The following HHIPL1 variants were observed in gnomAD, a reference collection of about 807,000 sequenced individuals.
HHIPL1 encodes HHIP-like protein 1.
HHIPL1 carries 43 observed loss-of-function variants against 61.8 expected under a neutral mutation model. That is an observed-to-expected ratio of 0.70 (90% confidence interval 0.55 to 0.90). The LOEUF is 0.90. Among genes scored for constraint, HHIPL1 ranks in the 40% least tolerant of loss-of-function variants. The probability of loss-of-function intolerance (pLI) is 0.00; values close to 1 mark genes in which losing one functional copy is unlikely to be tolerated. For missense variants in HHIPL1, 1,056 were observed against 1,157.7 expected (o/e 0.91, Z 1.28); for synonymous variants, 482 against 515.8 (o/e 0.93, Z 0.89).
chr14:99,618,831 G>A, the HHIPL1 span, among the ~76,000 whole-genome samples: 1 of 152,234 alleles, frequency 6.6e-6, no homozygotes, highest in Non-Finnish European at 1.5e-5. Context: ...AATGCGAGGG[G>A]TGCACATCTG....
At chr14:99,639,454 C>T in the HHIPL1 span, among the ~76,000 whole-genome samples, 14 of 152,036 alleles carry the variant, frequency 9.2e-5, no homozygotes, top group Non-Finnish European at 1.5e-4. Context: ...AAGTAATCCT[C>T]CCACCTCAGC....
the HHIPL1 span, among the ~76,000 whole-genome samples, chr14:99,631,759 T>C: frequency 6.6e-6 from 1 of 152,100 alleles, no homozygotes; most frequent in African/African-American, 2.4e-5. Context: ...TGGGATTACA[T>C]GTGTGCGCCA....
intron 5 of HHIPL1, 50 bp from the exon 6 acceptor site, chr14:99,662,826 C>A: frequency 1.3e-6 from 2 of 1,515,430 alleles, no homozygotes; most frequent in Non-Finnish European, 1.8e-6. Flanking sequence ...TGGGTAGGTT[C>A]CCCTGGGTGC....
At chr14:99,633,101 C>T in the HHIPL1 span, among the ~76,000 whole-genome samples, 2 of 152,050 alleles carry the variant, frequency 1.3e-5, no homozygotes, top group South Asian at 2.1e-4. Context: ...CACAGGAAGG[C>T]GAGAAGCCCA....
chr14:99,651,121 C>A (rs142886636), intron 1 of HHIPL1, among the ~76,000 whole-genome samples: 1,840 of 152,228 alleles, frequency 0.012, 30 homozygotes, highest in Middle Eastern at 0.075. Context: ...TGGTGGCTCT[C>A]GCCTGTAGTC....
At chr14:99,657,705 G>C (rs149103801) in intron 3 of HHIPL1, among the ~76,000 whole-genome samples, 80 of 151,774 alleles carry the variant, frequency 5.3e-4, no homozygotes, top group African/African-American at 1.9e-3. Flanking sequence ...ACACAAATAT[G>C]CATACACACA....
At chr14:99,664,224 G>T (rs1203388876) in intron 6 of HHIPL1, among the ~76,000 whole-genome samples, 1 of 152,172 alleles carries the variant, frequency 6.6e-6, no homozygotes, top group Non-Finnish European at 1.5e-5. Flanking sequence ...GCCTTTGGAG[G>T]GGTGTCCCCT....
Sources: allele counts gnomAD v4.1 joint callset (sites outside exome capture counted in the v4.1 genomes callset), GRCh38; gene constraint gnomAD v4.1.1; transcripts MANE v1.5; gene names NCBI Gene and HGNC (gene_info 2026-07-23, HGNC 2026-07-21).